CHIC1: variants seen among roughly 807,000 people sequenced by gnomAD.
The protein encoded by CHIC1 is cysteine rich hydrophobic domain 1.
Under a neutral mutation model 18.5 loss-of-function variants are expected in CHIC1, and 7 were observed. That is an observed-to-expected ratio of 0.38 (90% confidence interval 0.22 to 0.71). The LOEUF (loss-of-function observed/expected upper bound fraction) is 0.71, where lower values mean the gene tolerates loss of function less well. Among genes scored for constraint, CHIC1 ranks in the 30% least tolerant of loss-of-function variants. The pLI, the probability that CHIC1 is intolerant of heterozygous loss-of-function variation, is 0.49. For missense variants in CHIC1, 159 were observed against 176.9 expected (o/e 0.90, Z 0.57); for synonymous variants, 77 against 73.5 (o/e 1.05, Z -0.25).
intron 3 of CHIC1, among the ~76,000 whole-genome samples, chrX:73,612,966 A>G (rs776674729): frequency 4.5e-5 from 5 of 111,864 alleles, no homozygotes; most frequent in Admixed American, 9.5e-5. Context: ...ATAACTAGTA[A>G]TACTTGTTTT....
intron 3 of CHIC1, among the ~76,000 whole-genome samples, chrX:73,605,645 C>T (rs1427653660): frequency 9.2e-6 from 1 of 108,276 alleles, no homozygotes; most frequent in African/African-American, 3.6e-5. Context: ...TTTTCGTTTC[C>T]ATGTTTAGTG....
chrX:73,671,285 G>C (rs1036776969), intron 3 of CHIC1, among the ~76,000 whole-genome samples: 5 of 111,784 alleles, frequency 4.5e-5, no homozygotes, highest in African/African-American at 1.3e-4. Context: ...CTTTTCAGTT[G>C]AATCTCTTTT....
chrX:73,628,545 T>C (rs1812013341), intron 3 of CHIC1, among the ~76,000 whole-genome samples: 1 of 111,360 alleles, frequency 9.0e-6, no homozygotes, highest in South Asian at 3.9e-4. Context: ...CTGAGTTTGG[T>C]CCAGTTTTTC....
intron 3 of CHIC1, among the ~76,000 whole-genome samples, chrX:73,655,464 ATATATATATACATATATACACAATAT>A (rs2057939870): frequency 6.2e-5 from 1 of 16,001 alleles, no homozygotes; most frequent in Admixed American, 9.8e-4. Context: ...AATATTGTGT[ATATATATATACATATATACACAATAT>A]TGTGTATATA....
intron 1 of CHIC1, among the ~76,000 whole-genome samples, chrX:73,569,733 A>G (rs2057461245): frequency 9.0e-6 from 1 of 111,453 alleles, no homozygotes; most frequent in Admixed American, 9.5e-5. Flanking sequence ...TTATTTAAGT[A>G]TTTTTTTAGT....
chrX:73,657,464 T>C (rs374056839), intron 3 of CHIC1, among the ~76,000 whole-genome samples: 19 of 112,378 alleles, frequency 1.7e-4, no homozygotes, highest in East Asian at 1.1e-3. Flanking sequence ...TTTTTGCACA[T>C]TGATTTTGTA....
At chrX:73,670,131 G>A (rs986256685) in intron 3 of CHIC1, among the ~76,000 whole-genome samples, 4 of 111,504 alleles carry the variant, frequency 3.6e-5, no homozygotes, top group African/African-American at 1.3e-4. Context: ...GGGTCACACA[G>A]TCACTCACTG....
intron 1 of CHIC1, among the ~76,000 whole-genome samples, chrX:73,567,585 A>G (rs866591960): frequency 5.4e-5 from 6 of 110,905 alleles, no homozygotes; most frequent in Middle Eastern, 9.2e-3. Context: ...TCATCCTCAC[A>G]TCCATCCTCC....
At chrX:73,613,743 A>T (rs1353259955) in intron 3 of CHIC1, among the ~76,000 whole-genome samples, 1 of 110,982 alleles carries the variant, frequency 9.0e-6, no homozygotes, top group Non-Finnish European at 1.9e-5. Flanking sequence ...GGTAGATGAG[A>T]GCTTATTCCC....
intron 3 of CHIC1, among the ~76,000 whole-genome samples, chrX:73,621,317 C>A (rs2057759296): frequency 8.9e-6 from 1 of 112,201 alleles, no homozygotes; most frequent in Non-Finnish European, 1.9e-5. Context: ...AATATTGATT[C>A]TTCCTATCCA....
At chrX:73,569,754 T>A (rs1054629355) in intron 1 of CHIC1, among the ~76,000 whole-genome samples, 2 of 111,626 alleles carry the variant, frequency 1.8e-5, no homozygotes, top group African/African-American at 6.5e-5. Context: ...GTGCTGAGTC[T>A]ATAAAAGGGA....
At chrX:73,624,359 A>G (rs1285767599) in intron 3 of CHIC1, among the ~76,000 whole-genome samples, 2 of 112,173 alleles carry the variant, frequency 1.8e-5, no homozygotes, top group Non-Finnish European at 3.8e-5. Flanking sequence ...AGAGGGATCT[A>G]TCTGATTTTA....
At chrX:73,633,148 A>G (rs766968888) in intron 3 of CHIC1, among the ~76,000 whole-genome samples, 9 of 111,418 alleles carry the variant, frequency 8.1e-5, no homozygotes, top group African/African-American at 2.6e-4. Context: ...GCTAATAAGC[A>G]TTCTTTTATT....
At chrX:73,586,439 T>G (rs947707124) in intron 3 of CHIC1, among the ~76,000 whole-genome samples, 2 of 111,856 alleles carry the variant, frequency 1.8e-5, no homozygotes, top group Non-Finnish European at 3.8e-5. Context: ...TACTAGTTAC[T>G]TTTAACATGG....
chrX:73,613,714 T>G (rs2057719563), intron 3 of CHIC1, among the ~76,000 whole-genome samples: 1 of 112,120 alleles, frequency 8.9e-6, no homozygotes, highest in Admixed American at 9.5e-5. Context: ...GAAAGTTTTA[T>G]TTGTTCTGTG....
At chrX:73,674,650 G>T (rs764230492) in intron 3 of CHIC1, among the ~76,000 whole-genome samples, 2 of 111,608 alleles carry the variant, frequency 1.8e-5, no homozygotes, top group South Asian at 3.7e-4. Context: ...CTTTCTAGCG[G>T]TCTATCAATT....
chrX:73,612,768 G>A (rs1381741170), intron 3 of CHIC1, among the ~76,000 whole-genome samples: 1 of 112,217 alleles, frequency 8.9e-6, no homozygotes, highest in Non-Finnish European at 1.9e-5. Flanking sequence ...CTGATTAGAA[G>A]AACGTGGATT....
intron 3 of CHIC1, among the ~76,000 whole-genome samples, chrX:73,632,231 G>A (rs1394534470): frequency 2.7e-5 from 3 of 111,753 alleles, no homozygotes; most frequent in Non-Finnish European, 5.6e-5. Flanking sequence ...ATTATATAGT[G>A]TCCATTGTTT....
At chrX:73,645,130 A>G (rs1422731607) in intron 3 of CHIC1, among the ~76,000 whole-genome samples, 1 of 112,357 alleles carries the variant, frequency 8.9e-6, no homozygotes, top group Non-Finnish European at 1.9e-5. Flanking sequence ...GCTGAGATCA[A>G]TTTTTTTAGA....
Sources: allele counts gnomAD v4.1 joint callset (sites outside exome capture counted in the v4.1 genomes callset), GRCh38; gene constraint gnomAD v4.1.1; transcripts MANE v1.5; gene names NCBI Gene and HGNC (gene_info 2026-07-23, HGNC 2026-07-21).